BAG3: variants seen among roughly 807,000 people sequenced by gnomAD.
BAG3 encodes the protein BAG cochaperone 3.
A neutral mutation model predicts 40.5 loss-of-function variants in BAG3; 14 were observed. That is an observed-to-expected ratio of 0.35 (90% confidence interval 0.23 to 0.54). The LOEUF is 0.54. Among genes scored for constraint, BAG3 ranks in the 20% least tolerant of loss-of-function variants. The probability of loss-of-function intolerance (pLI) is 0.91; values close to 1 mark genes in which losing one functional copy is unlikely to be tolerated. For missense variants in BAG3, 788 were observed against 758.6 expected, an observed-to-expected ratio of 1.04 and a Z score of -0.46; for synonymous variants, 302 against 307.8, an observed-to-expected ratio of 0.98 and a Z score of 0.20.
At position 119,651,813 on chromosome 10, in the gene BAG3, C is replaced by T. The variant is rs777267711; in HGVS notation, c.138C>T (p.Thr46=). The T allele has an allele frequency of 5.6e-5, 89 of 1,595,938 alleles. No homozygotes were observed. Among genetic ancestry groups the T allele is most frequent in the Non-Finnish European group, 7.4e-5 (87 of 1,172,090 alleles). Residue 46 remains threonine, a synonymous_variant, in exon 1 of 4, where the codon ACC becomes ACT. Coordinates refer to ENST00000369085, the MANE Select transcript of BAG3 (RefSeq NM_004281.4). ...WPFFVDHNSR[T]TTWNDPRVPS... ...TCTTCGTGGACCACAACAGCCGCAC[C>T]ACTACGTGGAACGACCCGCGCGTGC...
chr10:119,656,763 G>T (rs1380089195), intron 1 of BAG3: 1 of 152,092 alleles, frequency 6.6e-6, no homozygotes, highest in Non-Finnish European at 1.5e-5. Context: ...AATGAATGTA[G>T]TATTTTTCTG....
rs1847160512 is a variant in BAG3, at chr10:119,672,271, C to T, written c.524C>T (p.Ala175Val). Residue 175 changes from alanine to valine, a missense_variant, in exon 3 of 4, where the codon GCT becomes GTT. By Grantham distance (64) the Ala-to-Val change is moderately conservative (BLOSUM62 0). Coordinates refer to ENST00000369085, the MANE Select transcript of BAG3 (RefSeq NM_004281.4). This position sits in a 1 kb window ranked among gnomAD's most constrained non-coding sequence, Gnocchi z 4.8. ...SHGPERSQSP[A>V]ASDCSSSSSS... The stretch of plus-strand genomic sequence containing the variant: ...CTCTTGCAGCGGTCCCAGTCTCCAG[C>T]TGCCTCTGACTGCTCATCCTCATCC... The T allele has an allele frequency of 1.9e-6, 3 of 1,613,448 alleles. No individual in the cohort carries two copies. The African/African-American group carries it at 4.0e-5, about 22-fold the overall frequency.
chr10:119,670,630 C>T (rs1007720067), intron 2 of BAG3, among the ~76,000 whole-genome samples: 1 of 152,160 alleles, frequency 6.6e-6, no homozygotes, highest in Non-Finnish European at 1.5e-5. Flanking sequence ...ATCTTAACCG[C>T]TTGTGGAGCT....
At chr10:119,675,877 T>C (rs548050709) in intron 3 of BAG3, among the ~76,000 whole-genome samples, 134 of 11,948 alleles carry the variant, frequency 0.011, 6 homozygotes, top group African/African-American at 0.046. Flanking sequence ...TGCCCCCTTC[T>C]CCCCTTCCTT....
chr10:119,651,688 A>G lies in BAG3; in HGVS notation c.13A>G (p.Thr5Ala), dbSNP rs777752849. MSAA[T>A]HSPMMQVASG... ...ACCCCAACCCAGCATGAGCGCCGCCACCCACTCGCCCATGATGCAGGTGGC... is the reference window on the plus strand; with the variant it reads ...ACCCCAACCCAGCATGAGCGCCGCCGCCCACTCGCCCATGATGCAGGTGGC... The change falls in exon 1 of 4, where the codon ACC becomes GCC. Residue 5 changes from threonine (T) to alanine (A), a missense_variant. Thr to Ala is a moderately conservative substitution (Grantham distance 58). Transcript: ENST00000369085. 19 of 1,582,766 alleles carry G rather than the reference A, an allele frequency of 1.2e-5. No homozygotes were observed. In the Admixed American group the frequency reaches 3.4e-4, roughly 28 times the overall value.
At chr10:119,658,618 G>A (rs1846948099) in intron 1 of BAG3, among the ~76,000 whole-genome samples, 1 of 152,196 alleles carries the variant, frequency 6.6e-6, no homozygotes, top group Non-Finnish European at 1.5e-5. Flanking sequence ...TGAAGGTTTT[G>A]GAGACGTTAG....
chr10:119,661,288 A>G (rs190950552), intron 1 of BAG3, among the ~76,000 whole-genome samples: 72 of 151,582 alleles, frequency 4.7e-4, no homozygotes, highest in Admixed American at 4.2e-3. Flanking sequence ...AAAGAAAAAG[A>G]AACCCAATTG....
intron 1 of BAG3, among the ~76,000 whole-genome samples, chr10:119,663,619 T>A (rs1847021759): frequency 6.6e-6 from 1 of 152,140 alleles, no homozygotes; most frequent in African/African-American, 2.4e-5. Flanking sequence ...CGGGCCCTCC[T>A]CTTCATCTGG....
intron 1 of BAG3, among the ~76,000 whole-genome samples, chr10:119,656,997 T>G (rs1172425784): frequency 1.3e-5 from 2 of 152,154 alleles, no homozygotes; most frequent in African/African-American, 2.4e-5. Context: ...CAGACAGACT[T>G]GCCTTTAGCG....
chr10:119,659,117 C>T (rs1340299112), intron 1 of BAG3, among the ~76,000 whole-genome samples: 1 of 152,164 alleles, frequency 6.6e-6, no homozygotes, highest in Non-Finnish European at 1.5e-5. Flanking sequence ...TTCCCGTGCC[C>T]CTTGTGAGTG....
chr10:119,669,762 A>G, intron 1 of BAG3, 89 bp from the exon 2 acceptor site: 1 of 1,357,156 alleles, frequency 7.4e-7, no homozygotes, highest in Non-Finnish European at 1.0e-6. Context: ...CGGGAAGATC[A>G]CAATGCCAAG....
chr10:119,656,023 A>C (rs1239869374), intron 1 of BAG3, among the ~76,000 whole-genome samples: 1 of 152,152 alleles, frequency 6.6e-6, no homozygotes, highest in Non-Finnish European at 1.5e-5. Flanking sequence ...ACACACAGTC[A>C]CCTTATATAA....
chr10:119,672,713 G>A lies in BAG3; in HGVS notation c.909+57G>A. 2.5e-6 allele frequency: 4 copies of A among 1,602,394 alleles called. No homozygotes were observed. The highest frequency in any genetic ancestry group is 1.1e-5 in the South Asian group (1 of 90,808). On this transcript the variant is annotated intron_variant, in intron 3 of 3. Coordinates refer to ENST00000369085, the MANE Select transcript of BAG3 (RefSeq NM_004281.4). The surrounding 1 kb of genome is among the most constrained non-coding windows in gnomAD (Gnocchi z 4.8). ...ATGGTGGTATGTCTCCAGGGGTGCA[G>A]GAGCTCTGTGGGTGCCCTGGGTTCC... is the stretch of plus-strand genomic sequence containing the variant.
In BAG3 at chr10:119,677,621, T is replaced by C; in HGVS notation, c.*339T>C. ...CTGGACTGGAGGGGTAGATGGGGAG[T>C]CAATTACCCATCACATAAATATGAA... On this transcript the variant is annotated 3_prime_UTR_variant, in exon 4 of 4. Coordinates refer to ENST00000369085, the MANE Select transcript of BAG3 (RefSeq NM_004281.4). 1 of 361,974 alleles carries C rather than the reference T, an allele frequency of 2.8e-6. No individual in the cohort carries two copies. The highest frequency in any genetic ancestry group is 5.1e-6 in the Non-Finnish European group (1 of 195,534). The allele number at this position is 361,974 out of a possible 1,614,324, so 22.4% of individuals were successfully genotyped here.
chr10:119,661,621 T>G (rs925533905), intron 1 of BAG3, among the ~76,000 whole-genome samples: 5 of 152,102 alleles, frequency 3.3e-5, no homozygotes, highest in African/African-American at 1.2e-4. Flanking sequence ...ATCTGTTTAT[T>G]CCAGGATAAA....
rs1354273922 is a variant in BAG3, at chr10:119,672,079, G to A, written c.508-176G>A. On this transcript the variant is annotated intron_variant, in intron 2 of 3. Coordinates refer to ENST00000369085, the MANE Select transcript of BAG3 (RefSeq NM_004281.4). The surrounding 1 kb of genome is among the most constrained non-coding windows in gnomAD (Gnocchi z 4.8). ...GCTGGGATTACAGGTGTGAGCCACCGCGCCCAGCCCCAGAGCTCTCAGTCT... is the reference window on the plus strand; with the variant it reads ...GCTGGGATTACAGGTGTGAGCCACCACGCCCAGCCCCAGAGCTCTCAGTCT... Among the ~76,000 whole-genome samples, 5 of 152,148 alleles carry A rather than the reference G, an allele frequency of 3.3e-5. No homozygotes were observed. Among genetic ancestry groups the A allele is most frequent in the South Asian group, 2.1e-4 (1 of 4,834 alleles).
intron 1 of BAG3, among the ~76,000 whole-genome samples, chr10:119,664,090 C>T (rs951816978): frequency 2.0e-5 from 3 of 152,190 alleles, no homozygotes; most frequent in Middle Eastern, 3.2e-3. Context: ...CAGCCTCTTC[C>T]GAGCTCTCCT....
chr10:119,667,637 C>A (rs1847084890), intron 1 of BAG3, among the ~76,000 whole-genome samples: 1 of 152,136 alleles, frequency 6.6e-6, no homozygotes, highest in Admixed American at 6.5e-5. Flanking sequence ...TGTTTCCTGC[C>A]CCCTTAGCCC....
chr10:119,676,705 C>T lies in BAG3; in HGVS notation c.1151C>T (p.Pro384Leu), dbSNP rs762045933. ...PPPSPGPSAV[P>L]SSPKSVATEE... ...CCCAGCCCTGGCCCTTCTGCTGTCC[C>T]CTCTTCCCCCAAGAGTGTGGCTACA... The change falls in exon 4 of 4, where the codon CCC (proline) becomes CTC (leucine). Residue 384 changes from proline (P) to leucine (L), a missense_variant. Physicochemically the swap from Pro to Leu is moderately conservative, Grantham distance 98. Coordinates refer to ENST00000369085, the MANE Select transcript of BAG3 (RefSeq NM_004281.4). 1.2e-6 allele frequency: 2 copies of T among 1,614,056 alleles called. No homozygotes were observed. The highest frequency in any genetic ancestry group is 1.3e-5 in the African/African-American group (1 of 74,910).
Sources: gnomAD v4.1 joint callset for allele counts (sites outside exome capture counted in the v4.1 genomes callset) on GRCh38, gnomAD v4.1.1 for gene constraint, Gnocchi (gnomAD v3.1) non-coding constraint, MANE v1.5 for transcripts, NCBI Gene and HGNC (gene_info 2026-07-23, HGNC 2026-07-21) for gene names.